SHANK2: variants seen among roughly 807,000 people sequenced by gnomAD.
The protein encoded by SHANK2 is SH3 and multiple ankyrin repeat domains protein 2.
Under a neutral mutation model 133.7 loss-of-function variants are expected in SHANK2, and 43 were observed. That is an observed-to-expected ratio of 0.32 (90% CI 0.25 to 0.41). The LOEUF (loss-of-function observed/expected upper bound fraction) is 0.41. Ranked by LOEUF, SHANK2 falls within the 10% of genes least tolerant of loss-of-function variation. The pLI is 1.00. For synonymous variants in SHANK2, 1,017 were observed against 952.8 expected (o/e 1.07, Z -1.24); for missense variants, 1,994 against 2,235.8 (o/e 0.89, Z 2.18).
At chr11:70,916,640 A>T (rs1237936462) in intron 10 of SHANK2, among the ~76,000 whole-genome samples, 1 of 152,168 alleles carries the variant, frequency 6.6e-6, no homozygotes, top group Non-Finnish European at 1.5e-5. Context: ...TGTGTCAGTT[A>T]AATGGCAAGA....
chr11:70,513,039 C>T (rs2059222697), intron 17 of SHANK2, among the ~76,000 whole-genome samples: 1 of 152,122 alleles, frequency 6.6e-6, no homozygotes, highest in Admixed American at 6.6e-5. Flanking sequence ...CACCCCCAAA[C>T]CAACAAATAA....
At chr11:70,763,504 T>C (rs1407044336) in intron 14 of SHANK2, among the ~76,000 whole-genome samples, 1 of 152,064 alleles carries the variant, frequency 6.6e-6, no homozygotes, top group African/African-American at 2.4e-5. Flanking sequence ...TGCCCTTCTG[T>C]GCTCTGAGCT....
rs782800627 is a variant in SHANK2 at position 71,188,544 on chromosome 11, A to G, written c.-13+36153T>C. On this transcript the variant is annotated intron_variant, in intron 2 of 25. Transcript: ENST00000601538. This position sits in a 1 kb window ranked among gnomAD's most constrained non-coding sequence, Gnocchi z 4.6. ...AAGGCACAGGAATACTGAGTAATTGAAAGGTGGAAATAAACGAGGCCCCAT... is the reference window on the plus strand; with the variant it reads ...AAGGCACAGGAATACTGAGTAATTGGAAGGTGGAAATAAACGAGGCCCCAT... Among the ~76,000 whole-genome samples the G allele has an allele frequency of 2.6e-5, 4 of 152,244 alleles. No individual in the cohort carries two copies. Among genetic ancestry groups the G allele is most frequent in the Non-Finnish European group, 5.9e-5 (4 of 68,038 alleles).
intron 14 of SHANK2, among the ~76,000 whole-genome samples, chr11:70,721,343 T>G (rs1946072136): frequency 6.6e-6 from 1 of 152,234 alleles, no homozygotes; most frequent in South Asian, 2.1e-4. Context: ...AGGTCGGTTC[T>G]CAATGAACTC....
At chr11:71,057,461 C>T (rs1474328243) in intron 9 of SHANK2, among the ~76,000 whole-genome samples, 1 of 152,134 alleles carries the variant, frequency 6.6e-6, no homozygotes, top group Admixed American at 6.5e-5. Flanking sequence ...AAAGCAGGGA[C>T]TATGTCTGGA....
intron 17 of SHANK2, among the ~76,000 whole-genome samples, chr11:70,526,689 G>A (rs1407251141): frequency 4.6e-5 from 7 of 152,200 alleles, no homozygotes; most frequent in South Asian, 2.1e-4. Flanking sequence ...CCTCGCAGGC[G>A]TAACCCTTTA....
At chr11:71,146,697 C>T (rs1952654823) in intron 3 of SHANK2, among the ~76,000 whole-genome samples, 1 of 152,168 alleles carries the variant, frequency 6.6e-6, no homozygotes, top group Non-Finnish European at 1.5e-5. Context: ...TCTGGCACAG[C>T]AGAGTCCGGC....
intron 11 of SHANK2, among the ~76,000 whole-genome samples, chr11:70,838,254 T>C (rs1948853383): frequency 6.6e-6 from 1 of 152,176 alleles, no homozygotes; most frequent in Non-Finnish European, 1.5e-5. Flanking sequence ...TATCAATACA[T>C]GTTCTGGTTA....
intron 9 of SHANK2, among the ~76,000 whole-genome samples, chr11:71,072,744 C>G (rs960424322): frequency 3.9e-4 from 59 of 152,276 alleles, no homozygotes; most frequent in Admixed American, 2.1e-3. Context: ...CCGACACAGC[C>G]TACAGCGTGG....
chr11:71,071,779 G>A (rs1951146029), intron 9 of SHANK2, among the ~76,000 whole-genome samples: 1 of 152,156 alleles, frequency 6.6e-6, no homozygotes, highest in Non-Finnish European at 1.5e-5. Flanking sequence ...GGAATGGCTT[G>A]GGTAAAGGAT....
chr11:70,885,135 G>A (rs1482491261), intron 11 of SHANK2, among the ~76,000 whole-genome samples: 1 of 152,174 alleles, frequency 6.6e-6, no homozygotes, highest in Admixed American at 6.5e-5. Context: ...GGGGTCTCGT[G>A]TGGTTGGGAA....
At chr11:70,567,831 T>G (rs2059987079) in intron 17 of SHANK2, among the ~76,000 whole-genome samples, 1 of 152,194 alleles carries the variant, frequency 6.6e-6, no homozygotes, top group Non-Finnish European at 1.5e-5. Flanking sequence ...TGTGGTGCTT[T>G]GCTGGGGCAG....
chr11:70,862,310 C>G (rs148267492), intron 11 of SHANK2, among the ~76,000 whole-genome samples: 1 of 152,166 alleles, frequency 6.6e-6, no homozygotes, highest in South Asian at 2.1e-4. Context: ...GTTGAAAGAT[C>G]CCTCTTCGAG....
chr11:70,473,557 C>A lies in SHANK2; in HGVS notation c.4980-118G>T. On this transcript the variant is annotated intron_variant, in intron 25 of 25. Transcript: ENST00000601538. This position sits in a 1 kb window ranked among gnomAD's most constrained non-coding sequence, Gnocchi z 5.9. ...CAAACCATGCCAGAGTGTCTAGTGG[C>A]AGATCCACTGGCAGTGAACGAATGA... 1 of 930,284 alleles carries A rather than the reference C, an allele frequency of 1.1e-6. No individual in the cohort carries two copies. Among genetic ancestry groups the A allele is most frequent in the East Asian group, 2.6e-5 (1 of 38,574 alleles). 57.6% of individuals were successfully genotyped at this position (930,284 alleles called of 1,614,324 possible).
In SHANK2 at chr11:71,252,081, A is replaced by G. The variant is rs1296913842; in HGVS notation, c.-113+344T>C. The stretch of plus-strand genomic sequence containing the variant: ...TCCAGAGGAAGGGGCAGGACGCGCC[A>G]GAGACTACGTGGTCCATGCGCGCAG... On this transcript the variant is annotated intron_variant, in intron 1 of 25. Coordinates refer to ENST00000601538, the MANE Select transcript of SHANK2 (RefSeq NM_012309.5). The surrounding 1 kb of genome is among the most constrained non-coding windows in gnomAD (Gnocchi z 6.3). 6.6e-6 allele frequency among the ~76,000 whole-genome samples: 1 copy of G among 152,060 alleles called. No homozygotes were observed. The highest frequency in any genetic ancestry group is 1.5e-5 in the Non-Finnish European group (1 of 68,008).
chr11:71,235,610 A>AC (rs1555123624), intron 1 of SHANK2, among the ~76,000 whole-genome samples: 1 of 147,278 alleles, frequency 6.8e-6, no homozygotes, highest in African/African-American at 2.7e-5. Flanking sequence ...AAAAAAAAAA[A>AC]CGTTAACTTT....
intron 14 of SHANK2, among the ~76,000 whole-genome samples, chr11:70,721,114 C>G (rs1470328018): frequency 6.6e-6 from 1 of 152,246 alleles, no homozygotes; most frequent in Non-Finnish European, 1.5e-5. Context: ...CCTCCCTTTC[C>G]TCCAGTTAAC....
At chr11:70,743,232 A>C (rs1347102026) in intron 14 of SHANK2, among the ~76,000 whole-genome samples, 1 of 152,224 alleles carries the variant, frequency 6.6e-6, no homozygotes, top group Non-Finnish European at 1.5e-5. Context: ...GCAGCGCTCG[A>C]GCTGCACGTC....
At chr11:70,945,142 G>A (rs1187608006) in intron 10 of SHANK2, among the ~76,000 whole-genome samples, 1 of 152,090 alleles carries the variant, frequency 6.6e-6, no homozygotes. Flanking sequence ...ACTTATGCAG[G>A]GGATGGAAAT....
Sources: allele counts gnomAD v4.1 joint callset (sites outside exome capture counted in the v4.1 genomes callset), GRCh38; gene constraint gnomAD v4.1.1; non-coding constraint Gnocchi (gnomAD v3.1); transcripts MANE v1.5; gene names NCBI Gene and HGNC (gene_info 2026-07-23, HGNC 2026-07-21).